The following NSG2 variants were observed in gnomAD, a reference collection of about 807,000 sequenced individuals.
NSG2 encodes the protein neuronal vesicle trafficking associated 2.
In NSG2, 4 loss-of-function variants were observed where a neutral mutation model predicts 16.9. The observed-to-expected ratio is 0.24, with a 90% confidence interval of 0.12 to 0.54. The LOEUF is 0.54. NSG2 is among the 20% of genes least tolerant of loss of function. The pLI, the probability that NSG2 is intolerant of heterozygous loss-of-function variation, is 0.95. For missense variants in NSG2, 179 were observed against 221.1 expected, an observed-to-expected ratio of 0.81 and a Z score of 1.21; for synonymous variants, 98 against 88.7, an observed-to-expected ratio of 1.11 and a Z score of -0.59.
At chr5:174,099,570 G>A (rs1760867382) in intron 3 of NSG2, among the ~76,000 whole-genome samples, 3 of 152,030 alleles carry the variant, frequency 2.0e-5, no homozygotes, top group African/African-American at 7.3e-5. Context: ...GCTCCCTGTT[G>A]TCCTTGAGAT....
At chr5:174,082,670 A>G (rs1760503702) in intron 3 of NSG2, 1 of 152,232 alleles carries the variant, frequency 6.6e-6, no homozygotes, top group African/African-American at 2.4e-5. Flanking sequence ...ATACTTAGAT[A>G]GTATATGTAA....
intron 3 of NSG2, chr5:174,086,459 C>G (rs543172652): frequency 6.6e-6 from 1 of 152,216 alleles, no homozygotes; most frequent in Non-Finnish European, 1.5e-5. Context: ...CAACGATTGT[C>G]TGGAGCTGTG....
intron 1 of NSG2, among the ~76,000 whole-genome samples, chr5:174,046,398 T>C (rs1482592321): frequency 2.0e-5 from 3 of 152,124 alleles, no homozygotes; most frequent in Non-Finnish European, 4.4e-5. Context: ...CTAAGTATAA[T>C]CTTTTTACTG....
At chr5:174,100,412 C>A (rs1357751183) in intron 3 of NSG2, among the ~76,000 whole-genome samples, 1 of 152,240 alleles carries the variant, frequency 6.6e-6, no homozygotes, top group Admixed American at 6.5e-5. Context: ...TGTGCAGCTG[C>A]TTGAGAACCA....
intron 3 of NSG2, among the ~76,000 whole-genome samples, chr5:174,075,150 G>T (rs1760316267): frequency 6.6e-6 from 1 of 152,140 alleles, no homozygotes; most frequent in Non-Finnish European, 1.5e-5. Context: ...GTGCCAGATA[G>T]CCTGTGAGTC....
At chr5:174,103,735 T>C (rs1485345995) in intron 3 of NSG2, among the ~76,000 whole-genome samples, 1 of 152,154 alleles carries the variant, frequency 6.6e-6, no homozygotes, top group Non-Finnish European at 1.5e-5. Context: ...TCACCTGAGG[T>C]CAGGAGTTCA....
At chr5:174,106,365 T>C (rs1440316587) in intron 4 of NSG2, among the ~76,000 whole-genome samples, 1 of 152,042 alleles carries the variant, frequency 6.6e-6, no homozygotes, top group Non-Finnish European at 1.5e-5. Context: ...AGAAAATAAA[T>C]ATTTCAACCG....
In NSG2 at chr5:174,108,334, G is replaced by C. The variant is rs1761017619; in HGVS notation, c.*829G>C. On this transcript the variant is annotated 3_prime_UTR_variant, in exon 5 of 5. Coordinates refer to ENST00000303177, the MANE Select transcript of NSG2 (RefSeq NM_015980.5). ...GACGAGACAGCAGCAGGGGGAGAGGGAGGGAAGGAAGGTGCGGCTGCAAGA... is the reference window on the plus strand; with the variant it reads ...GACGAGACAGCAGCAGGGGGAGAGGCAGGGAAGGAAGGTGCGGCTGCAAGA... 1 of 156,146 alleles carries C rather than the reference G, an allele frequency of 6.4e-6. No individual in the cohort carries two copies. The highest frequency in any genetic ancestry group is 1.4e-5 in the Non-Finnish European group (1 of 70,428). The allele number at this position is 156,146 out of a possible 1,614,324, so 9.7% of individuals were successfully genotyped here.
chr5:174,064,698 TG>T (rs1561664047), intron 3 of NSG2, among the ~76,000 whole-genome samples: 1 of 151,354 alleles, frequency 6.6e-6, no homozygotes, highest in South Asian at 2.1e-4. Flanking sequence ...AAAACAAAGG[TG>T]GGGGGAAGAA....
At chr5:174,084,826 T>G (rs1306943322) in intron 3 of NSG2, among the ~76,000 whole-genome samples, 1 of 152,142 alleles carries the variant, frequency 6.6e-6, no homozygotes, top group Non-Finnish European at 1.5e-5. Context: ...ATAATTTCAT[T>G]AGGTTCCAGG....
intron 2 of NSG2, among the ~76,000 whole-genome samples, chr5:174,057,498 T>A (rs958747886): frequency 1.2e-4 from 18 of 152,360 alleles, no homozygotes; most frequent in Middle Eastern, 3.4e-3. Flanking sequence ...CACTAAGCTT[T>A]ATGAAAGTCC....
At chr5:174,099,628 C>T (rs1264271535) in intron 3 of NSG2, among the ~76,000 whole-genome samples, 3 of 152,122 alleles carry the variant, frequency 2.0e-5, no homozygotes, top group Admixed American at 2.0e-4. Context: ...GGCCCCCAGG[C>T]TTCCCCATCA....
chr5:174,078,576 C>T (rs1451808256), intron 3 of NSG2, among the ~76,000 whole-genome samples: 2 of 152,192 alleles, frequency 1.3e-5, no homozygotes, highest in Non-Finnish European at 2.9e-5. Context: ...TGCACTACTA[C>T]AGTTTGAATG....
intron 3 of NSG2, among the ~76,000 whole-genome samples, chr5:174,097,673 CTG>C (rs1188567953): frequency 2.1e-5 from 3 of 144,070 alleles, no homozygotes; most frequent in African/African-American, 5.3e-5. Flanking sequence ...GTGTGAATAT[CTG>C]TGTCTCTGTC....
intron 3 of NSG2, among the ~76,000 whole-genome samples, chr5:174,096,980 C>T (rs957987146): frequency 1.3e-5 from 2 of 152,144 alleles, no homozygotes; most frequent in African/African-American, 2.4e-5. Context: ...CACTTCACCT[C>T]TCAGAGCCTC....
chr5:174,091,644 G>GGTGTGT lies in NSG2; in HGVS notation c.214-12547_214-12542dup, dbSNP rs35746227. 3.7e-3 allele frequency among the ~76,000 whole-genome samples: 516 copies of GGTGTGT among 139,690 alleles called. 4 individuals carry two copies. Among genetic ancestry groups the GGTGTGT allele is most frequent in the African/African-American group, 8.7e-3 (326 of 37,648 alleles). The allele number at this position is 139,690 out of a possible 152,430, so 91.6% of individuals were successfully genotyped here. On this transcript the variant is annotated intron_variant, in intron 3 of 4. Coordinates refer to ENST00000303177, the MANE Select transcript of NSG2 (RefSeq NM_015980.5). ...CCTAGAACTTTCAGGAACTAGGACT[G>GGTGTGT]GTGTGTGTGTGTGTGTGTGTGTGTG... is the stretch of plus-strand genomic sequence containing the variant.
chr5:174,101,968 G>T (rs937720792), intron 3 of NSG2, among the ~76,000 whole-genome samples: 2 of 152,114 alleles, frequency 1.3e-5, no homozygotes, highest in Admixed American at 6.5e-5. Context: ...ATACCGGACT[G>T]ATCTCTGCAC....
chr5:174,075,507 C>T (rs773033191), intron 3 of NSG2, among the ~76,000 whole-genome samples: 8 of 152,184 alleles, frequency 5.3e-5, no homozygotes, highest in Admixed American at 2.6e-4. Flanking sequence ...GTTAATTTTG[C>T]GTTGGCTCTC....
At chr5:174,055,494 A>G (rs1409187188) in intron 2 of NSG2, among the ~76,000 whole-genome samples, 1 of 152,092 alleles carries the variant, frequency 6.6e-6, no homozygotes, top group East Asian at 1.9e-4. Flanking sequence ...GCTACTCGGG[A>G]GGCTGAGGCA....
Sources: gnomAD v4.1 joint callset for allele counts (sites outside exome capture counted in the v4.1 genomes callset) on GRCh38, gnomAD v4.1.1 for gene constraint, MANE v1.5 for transcripts, NCBI Gene and HGNC (gene_info 2026-07-23, HGNC 2026-07-21) for gene names.